The following HEPH variants were observed in gnomAD, a reference collection of about 807,000 sequenced individuals.
HEPH encodes the protein hephaestin.
A neutral mutation model predicts 80.8 loss-of-function variants in HEPH; 69 were observed. That is an observed-to-expected ratio of 0.85 (90% confidence interval 0.70 to 1.04). HEPH has a LOEUF of 1.04. HEPH is among the 50% of genes least tolerant of loss of function. The pLI is 0.00. For missense variants in HEPH, 1,115 were observed against 891.3 expected, an observed-to-expected ratio of 1.25 and a Z score of -3.20; for synonymous variants, 431 against 322.8, an observed-to-expected ratio of 1.34 and a Z score of -3.60.
At chrX:66,208,631 CATAT>C (rs56924616) in intron 15 of HEPH, among the ~76,000 whole-genome samples, 5,439 of 34,245 alleles carry the variant, frequency 0.16, 345 homozygotes, top group East Asian at 0.29. Context: ...TATATACATA[CATAT>C]ATATATATAT....
intron 15 of HEPH, among the ~76,000 whole-genome samples, chrX:66,246,431 T>C (rs1056608669): frequency 3.6e-5 from 4 of 111,535 alleles, no homozygotes; most frequent in African/African-American, 1.3e-4. Flanking sequence ...AGAGCAATCT[T>C]ACTCCTTCTA....
chrX:66,166,324 G>T (rs928396846), intron 1 of HEPH, among the ~76,000 whole-genome samples: 4 of 111,127 alleles, frequency 3.6e-5, no homozygotes, highest in African/African-American at 1.3e-4. Context: ...CTCCCGAGTA[G>T]CTGGGATTAC....
At position 66,226,158 on chromosome X, in the gene HEPH, G is replaced by A. The variant is rs377552798; in HGVS notation, c.2563+17912G>A. 1.3e-4 allele frequency among the ~76,000 whole-genome samples: 15 copies of A among 111,925 alleles called. No individual in the cohort carries two copies. In the East Asian group the frequency reaches 1.4e-3, roughly 10 times the overall value. On this transcript the variant is annotated intron_variant, in intron 15 of 20. Coordinates refer to ENST00000343002, the MANE Select transcript of HEPH (RefSeq NM_001367233.3). ...CAGATAACATAACCGATTAGGCTGG[G>A]GTTGATCTTTAACTACCAGGCCCAG...
At chrX:66,187,620 G>A (rs961979561) in intron 4 of HEPH, among the ~76,000 whole-genome samples, 8 of 111,565 alleles carry the variant, frequency 7.2e-5, no homozygotes, top group African/African-American at 2.6e-4. Context: ...TCTCTCTGCT[G>A]TGAATACCAG....
At chrX:66,187,083 G>GT (rs1188411298) in intron 4 of HEPH, among the ~76,000 whole-genome samples, 5 of 107,540 alleles carry the variant, frequency 4.6e-5, no homozygotes, top group South Asian at 3.9e-4. Flanking sequence ...AGTTTTGATT[G>GT]TTTTTTCTTT....
At chrX:66,252,050 G>A (rs1037004145) in intron 15 of HEPH, among the ~76,000 whole-genome samples, 1 of 111,777 alleles carries the variant, frequency 8.9e-6, no homozygotes, top group African/African-American at 3.2e-5. Flanking sequence ...TAATAGCGCA[G>A]ACTATGGTGG....
chrX:66,208,405 G>A (rs978751269), intron 15 of HEPH, 159 bp downstream of exon 15: 11 of 468,532 alleles, frequency 2.3e-5, no homozygotes, highest in African/African-American at 2.2e-4. Flanking sequence ...GATCACTTGA[G>A]GTTAGGAGTT....
rs372239745 is a variant in HEPH, at chrX:66,189,820, C to A, written c.945C>A (p.Thr315=). The A allele has an allele frequency of 1.3e-4, 158 of 1,208,564 alleles. No individual in the cohort carries two copies. Among genetic ancestry groups the A allele is most frequent in the Non-Finnish European group, 1.7e-4 (154 of 894,819 alleles). ...TTTTCCATGGACAGATGCTGACTACCCGTGGACACCACACTGATGTGGCTA... is the reference window on the plus strand; with the variant it reads ...TTTTCCATGGACAGATGCTGACTACACGTGGACACCACACTGATGTGGCTA... ...TAFFHGQMLT[T]RGHHTDVANI... is the part of the protein sequence containing the mutation. The change falls in exon 6 of 21, where the codon ACC becomes ACA. Residue 315 remains threonine, a synonymous_variant. Coordinates refer to ENST00000343002, the MANE Select transcript of HEPH (RefSeq NM_001367233.3).
chrX:66,263,837 A>T, intron 20 of HEPH, 149 bp downstream of exon 20: 1 of 537,809 alleles, frequency 1.9e-6, no homozygotes, highest in Non-Finnish European at 3.0e-6. Flanking sequence ...AAGACTTCAG[A>T]AGCCAAAGAA....
chrX:66,214,248 A>T (rs1326607514), intron 15 of HEPH, among the ~76,000 whole-genome samples: 2 of 112,283 alleles, frequency 1.8e-5, no homozygotes, highest in Non-Finnish European at 3.8e-5. Flanking sequence ...CAGGTAAGAG[A>T]TGATGGCAGC....
intron 15 of HEPH, among the ~76,000 whole-genome samples, chrX:66,250,053 A>T (rs708969): frequency 0.27 from 30,215 of 110,332 alleles, 3,963 homozygotes; most frequent in African/African-American, 0.51. Flanking sequence ...GAACCTGATT[A>T]AAAAAGGTAG....
At chrX:66,241,470 A>G (rs765355384) in intron 15 of HEPH, among the ~76,000 whole-genome samples, 1 of 111,982 alleles carries the variant, frequency 8.9e-6, no homozygotes, top group South Asian at 3.7e-4. Context: ...ATTATTCAAG[A>G]TAAAACAGAC....
intron 15 of HEPH, among the ~76,000 whole-genome samples, chrX:66,214,742 T>A (rs1175111009): frequency 9.0e-6 from 1 of 111,486 alleles, no homozygotes; most frequent in East Asian, 2.8e-4. Flanking sequence ...CTTAATAACA[T>A]CTTCTAAACC....
At chrX:66,179,229 C>T (rs911105737) in intron 4 of HEPH, among the ~76,000 whole-genome samples, 1 of 111,794 alleles carries the variant, frequency 8.9e-6, no homozygotes, top group African/African-American at 3.3e-5. Flanking sequence ...TTGTTTTTGT[C>T]AGGTTTGTCA....
upstream of HEPH, among the ~76,000 whole-genome samples, chrX:66,163,309 T>G (rs768728993): frequency 3.0e-4 from 33 of 111,311 alleles, no homozygotes; most frequent in African/African-American, 9.4e-4. Context: ...GGAATGACCT[T>G]TGACTTTAAA....
At chrX:66,177,704 T>G (rs1377975443) in intron 4 of HEPH, among the ~76,000 whole-genome samples, 3 of 112,085 alleles carry the variant, frequency 2.7e-5, no homozygotes, top group Admixed American at 9.5e-5. Flanking sequence ...AGTTTTTTTG[T>G]TTCAATTTCA....
intron 3 of HEPH, 46 bp from the exon 4 acceptor site, chrX:66,173,543 G>A (rs768130809): frequency 4.1e-6 from 4 of 980,686 alleles, no homozygotes; most frequent in African/African-American, 1.9e-5. Context: ...ATTTGCCACG[G>A]TCCCTCACTT....
chrX:66,194,129 C>A (rs1051901554), intron 8 of HEPH, among the ~76,000 whole-genome samples: 1 of 111,128 alleles, frequency 9.0e-6, no homozygotes. Flanking sequence ...AGGGCTAAAC[C>A]AAGGTTAGAA....
At chrX:66,179,653 T>G (rs2086997862) in intron 4 of HEPH, among the ~76,000 whole-genome samples, 1 of 111,663 alleles carries the variant, frequency 9.0e-6, no homozygotes, top group African/African-American at 3.3e-5. Context: ...GTGCTGTCAG[T>G]GGAGTATTGA....
Sources: allele counts gnomAD v4.1 joint callset (sites outside exome capture counted in the v4.1 genomes callset), GRCh38; gene constraint gnomAD v4.1.1; transcripts MANE v1.5; gene names NCBI Gene and HGNC (gene_info 2026-07-23, HGNC 2026-07-21).